The following SLC41A3 variants were observed in gnomAD, a reference collection of about 807,000 sequenced individuals.
SLC41A3 encodes solute carrier family 41 member 3, also known as SLC41A1-like 2.
In SLC41A3, 44 loss-of-function variants were observed where a neutral mutation model predicts 45.4. The observed-to-expected ratio is 0.97, with a 90% CI of 0.76 to 1.25. The LOEUF is 1.25. Ranked by LOEUF, SLC41A3 falls within the 50% of genes most tolerant of loss-of-function variation. The pLI is 0.00. For synonymous variants in SLC41A3, 256 were observed against 252.4 expected (o/e 1.01, Z -0.13); for missense variants, 550 against 600.6 (o/e 0.92, Z 0.88).
chr3:126,089,654 T>C (rs1415322766), intron 1 of SLC41A3, among the ~76,000 whole-genome samples: 2 of 152,210 alleles, frequency 1.3e-5, no homozygotes, highest in African/African-American at 4.8e-5. Context: ...CTGGGGCTGA[T>C]GGCAAAAGAC....
chr3:126,016,995 G>T, intron 6 of SLC41A3, 120 bp from the exon 7 acceptor site: 1 of 1,231,358 alleles, frequency 8.1e-7, no homozygotes, highest in Non-Finnish European at 1.1e-6. Context: ...AGTTGAGGGG[G>T]AACTGCCTTG....
rs1457874688 is a variant in SLC41A3 at position 126,008,782 on chromosome 3, T to C, written c.1204A>G (p.Ile402Val). ...IIYLVEGQSVINSQTFVVLYL... is the reference protein window; with the variant it reads ...IIYLVEGQSVVNSQTFVVLYL... ...AGCACCACAAAGGTCTGGCTGTTTA[T>C]GACTGACTGACCCTCCACCAGGTAG... Residue 402 changes from isoleucine to valine, a missense_variant, in exon 10 of 11, where the codon ATA becomes GTA. Ile to Val is a conservative substitution (Grantham distance 29). Transcript: ENST00000360370. The C allele has an allele frequency of 2.5e-6, 4 of 1,614,016 alleles. No homozygotes were observed. The highest frequency in any genetic ancestry group is 3.4e-6 in the Non-Finnish European group (4 of 1,179,990).
At chr3:126,078,498 C>A (rs1295366336) in intron 1 of SLC41A3, among the ~76,000 whole-genome samples, 1 of 152,090 alleles carries the variant, frequency 6.6e-6, no homozygotes, top group Admixed American at 6.5e-5. Flanking sequence ...GGTGGAAGCC[C>A]CAGAACCATG....
At chr3:126,067,665 A>G in intron 2 of SLC41A3, 1 of 528,198 alleles carries the variant, frequency 1.9e-6, no homozygotes, top group Non-Finnish European at 3.5e-6. Context: ...TGACTGACAC[A>G]GTTGTTAAAC....
At chr3:126,065,518 C>T (rs1944304630) in intron 2 of SLC41A3, among the ~76,000 whole-genome samples, 1 of 152,222 alleles carries the variant, frequency 6.6e-6, no homozygotes, top group Non-Finnish European at 1.5e-5. Flanking sequence ...TTGAACCTCT[C>T]ATATATGCAA....
At chr3:126,011,510 G>A (rs1939708687) in intron 9 of SLC41A3, among the ~76,000 whole-genome samples, 1 of 152,134 alleles carries the variant, frequency 6.6e-6, no homozygotes, top group Non-Finnish European at 1.5e-5. Flanking sequence ...TCAAAAAGAA[G>A]GAGAGTGCAG....
At chr3:126,064,725 C>T (rs1439412580) in intron 2 of SLC41A3, among the ~76,000 whole-genome samples, 1 of 152,230 alleles carries the variant, frequency 6.6e-6, no homozygotes, top group African/African-American at 2.4e-5. Context: ...CTCTGTAAGG[C>T]CATAGCTTGC....
At chr3:126,051,196 T>G (rs921389423) in intron 2 of SLC41A3, 146 bp from the exon 3 acceptor site, 2 of 987,064 alleles carry the variant, frequency 2.0e-6, no homozygotes, top group East Asian at 5.7e-5. Flanking sequence ...GGCTTTAAAC[T>G]AAACAGAAAT....
At chr3:126,014,394 G>A (rs760851310) in intron 8 of SLC41A3, among the ~76,000 whole-genome samples, 18 of 152,162 alleles carry the variant, frequency 1.2e-4, no homozygotes, top group Non-Finnish European at 2.4e-4. Flanking sequence ...GGCAACTACT[G>A]GCTGGAGCTG....
intron 3 of SLC41A3, among the ~76,000 whole-genome samples, chr3:126,046,783 G>T (rs1181609178): frequency 6.6e-6 from 1 of 151,572 alleles, no homozygotes; most frequent in South Asian, 2.1e-4. Context: ...CCAACATGAT[G>T]AAACCACTTC....
At chr3:126,011,350 A>G (rs1939689169) in intron 9 of SLC41A3, among the ~76,000 whole-genome samples, 1 of 152,244 alleles carries the variant, frequency 6.6e-6, no homozygotes, top group Admixed American at 6.5e-5. Flanking sequence ...TGGAGAGGGC[A>G]GGGGAAAAAA....
At chr3:126,065,502 C>A (rs758635454) in intron 2 of SLC41A3, among the ~76,000 whole-genome samples, 13 of 152,328 alleles carry the variant, frequency 8.5e-5, no homozygotes, top group Non-Finnish European at 1.6e-4. Context: ...GCTGTGTACA[C>A]CCACTTTGAA....
chr3:126,043,296 C>T (rs917177998), intron 3 of SLC41A3, among the ~76,000 whole-genome samples: 1 of 151,896 alleles, frequency 6.6e-6, no homozygotes. Context: ...CTGTATCTGG[C>T]AAAACTATTT....
intron 3 of SLC41A3, among the ~76,000 whole-genome samples, chr3:126,041,365 C>A (rs1018938882): frequency 6.6e-5 from 10 of 152,162 alleles, no homozygotes; most frequent in African/African-American, 2.4e-4. Flanking sequence ...CTCCAAGATA[C>A]ATGCAAGATA....
rs780949706 is a variant in SLC41A3 at position 126,026,395 on chromosome 3, T to C, written c.538A>G (p.Lys180Glu). The change falls in exon 5 of 11, where the codon AAG becomes GAG. Residue 180 changes from lysine to glutamate, a missense_variant. Physicochemically the swap from Lys to Glu is moderately conservative, Grantham distance 56. Coordinates refer to ENST00000360370, the MANE Select transcript of SLC41A3 (RefSeq NM_017836.4). This position sits in a 1 kb window ranked among gnomAD's most constrained non-coding sequence, Gnocchi z 4.2. ...VVSREEVDVA[K>E]VELLCASSVL... ...CTGCTGGCACACAGCAACTCCACCTTGGCGACATCCACTTCCTCTCGAGAC... is the reference window on the plus strand; with the variant it reads ...CTGCTGGCACACAGCAACTCCACCTCGGCGACATCCACTTCCTCTCGAGAC... 19 of 1,587,988 alleles carry C rather than the reference T, an allele frequency of 1.2e-5. No homozygotes were observed. The South Asian group carries it at 1.7e-4, about 14-fold the overall frequency.
intron 1 of SLC41A3, among the ~76,000 whole-genome samples, chr3:126,089,329 A>G (rs72965936): frequency 0.042 from 6,391 of 152,314 alleles, 212 homozygotes; most frequent in East Asian, 0.15. Flanking sequence ...GGGTAGAAAA[A>G]GGTTCCTGGG....
At position 126,035,197 on chromosome 3, in the gene SLC41A3, G is replaced by C. The variant is rs542451343; in HGVS notation, c.382-1519C>G. 2.4e-4 allele frequency among the ~76,000 whole-genome samples: 37 copies of C among 152,358 alleles called. No homozygotes were observed. The East Asian group carries it at 3.9e-3, about 16-fold the overall frequency. On this transcript the variant is annotated intron_variant, in intron 3 of 10. Coordinates refer to ENST00000360370, the MANE Select transcript of SLC41A3 (RefSeq NM_017836.4). ...TGGGCCAGGGTGGCTGGAGTGGACTGAAGGTGGCACTCACCAGAGCTGAGC... is the reference window on the plus strand; with the variant it reads ...TGGGCCAGGGTGGCTGGAGTGGACTCAAGGTGGCACTCACCAGAGCTGAGC...
At chr3:126,049,384 G>A (rs1943178329) in intron 3 of SLC41A3, among the ~76,000 whole-genome samples, 1 of 152,200 alleles carries the variant, frequency 6.6e-6, no homozygotes, top group South Asian at 2.1e-4. Flanking sequence ...CTACTTGGGA[G>A]GCTGAGGCAT....
At chr3:126,022,105 G>A (rs886772883) in intron 6 of SLC41A3, among the ~76,000 whole-genome samples, 2 of 151,940 alleles carry the variant, frequency 1.3e-5, no homozygotes, top group South Asian at 2.1e-4. Flanking sequence ...ATAAATTCTC[G>A]CTTTGCTTAA....
Sources: allele counts gnomAD v4.1 joint callset (sites outside exome capture counted in the v4.1 genomes callset), GRCh38; gene constraint gnomAD v4.1.1; non-coding constraint Gnocchi (gnomAD v3.1); transcripts MANE v1.5; gene names NCBI Gene and HGNC (gene_info 2026-07-23, HGNC 2026-07-21).